MALRD1: variants seen among roughly 807,000 people sequenced by gnomAD.
MALRD1 encodes the protein MAM and LDL-receptor class A domain-containing protein 1.
Under a neutral mutation model 242.1 loss-of-function variants are expected in MALRD1, and 247 were observed. The ratio of observed to expected loss-of-function variants is 1.02; its 90% confidence interval spans 0.92 to 1.13. MALRD1 has a LOEUF of 1.13. Ranked by LOEUF, MALRD1 falls within the 50% of genes most tolerant of loss-of-function variation. The probability of loss-of-function intolerance (pLI) is 0.00; values close to 1 mark genes in which losing one functional copy is unlikely to be tolerated. For synonymous variants in MALRD1, 995 were observed against 866.6 expected, an observed-to-expected ratio of 1.15 and a Z score of -2.60; for missense variants, 2,989 against 2,533.1, an observed-to-expected ratio of 1.18 and a Z score of -3.86.
intron 38 of MALRD1, among the ~76,000 whole-genome samples, chr10:19,694,125 A>G (rs1226699809): frequency 6.6e-6 from 1 of 152,230 alleles, no homozygotes; most frequent in Non-Finnish European, 1.5e-5. Context: ...TAAAAACCCT[A>G]GAAGAAAACC....
intron 26 of MALRD1, among the ~76,000 whole-genome samples, chr10:19,356,124 C>T (rs1245873656): frequency 1.3e-5 from 2 of 151,672 alleles, no homozygotes; most frequent in East Asian, 1.9e-4. Flanking sequence ...ACTACCACTA[C>T]AGTAGTTACA....
At chr10:19,315,041 A>C (rs553424579) in intron 21 of MALRD1, among the ~76,000 whole-genome samples, 7 of 142,856 alleles carry the variant, frequency 4.9e-5, no homozygotes, top group African/African-American at 1.5e-4. Context: ...AATTTATATA[A>C]ATATGTAAAT....
At chr10:19,062,362 CAG>C (rs1426711798) in intron 1 of MALRD1, among the ~76,000 whole-genome samples, 1 of 152,166 alleles carries the variant, frequency 6.6e-6, no homozygotes, top group African/African-American at 2.4e-5. Context: ...CTTTTGAAAA[CAG>C]ATGGCAATTC....
chr10:19,584,370 A>G (rs2131520195), intron 33 of MALRD1, among the ~76,000 whole-genome samples: 1 of 152,230 alleles, frequency 6.6e-6, no homozygotes, highest in South Asian at 2.1e-4. Flanking sequence ...TTAGTGCTAT[A>G]AATTTCCCTC....
At chr10:19,387,477 G>T in intron 26 of MALRD1, 51 bp from the exon 27 acceptor site, 1 of 1,512,682 alleles carries the variant, frequency 6.6e-7, no homozygotes, top group East Asian at 2.5e-5. Context: ...TGACCTCACT[G>T]AATGTGTTAG....
chr10:19,432,755 T>C (rs1022398555), intron 28 of MALRD1, among the ~76,000 whole-genome samples: 2 of 152,188 alleles, frequency 1.3e-5, no homozygotes, highest in African/African-American at 4.8e-5. Flanking sequence ...TCCAAAGTGA[T>C]ATTTGAAGAG....
chr10:19,177,278 CAAAA>C (rs34742551), intron 14 of MALRD1, among the ~76,000 whole-genome samples: 2 of 114,062 alleles, frequency 1.8e-5, no homozygotes, highest in Admixed American at 8.8e-5. Flanking sequence ...AGATTCCTCT[CAAAA>C]AAAAAAAAAA....
chr10:19,602,424 C>G (rs1356923096), intron 34 of MALRD1, among the ~76,000 whole-genome samples: 3 of 146,240 alleles, frequency 2.1e-5, no homozygotes, highest in Non-Finnish European at 4.4e-5. Flanking sequence ...CAATTCCCAT[C>G]TATGAGTGAG....
intron 35 of MALRD1, among the ~76,000 whole-genome samples, chr10:19,615,560 CA>C (rs1378340992): frequency 9.0e-6 from 1 of 111,206 alleles, no homozygotes; most frequent in South Asian, 3.1e-4. Flanking sequence ...GAAAAAATAG[CA>C]AAAAATAAAT....
At chr10:19,280,025 C>T in intron 19 of MALRD1, 22 bp from the exon 20 acceptor site, 1 of 1,457,940 alleles carries the variant, frequency 6.9e-7, no homozygotes, top group Non-Finnish European at 9.0e-7. Flanking sequence ...TAAATGATGC[C>T]TGTATATTAT....
At chr10:19,612,248 T>C (rs58672156) in intron 35 of MALRD1, among the ~76,000 whole-genome samples, 9,425 of 151,988 alleles carry the variant, frequency 0.062, 951 homozygotes, top group African/African-American at 0.21. Flanking sequence ...AGCAAATTCC[T>C]TATTTGTAAA....
chr10:19,704,412 G>A (rs965472486), intron 38 of MALRD1, among the ~76,000 whole-genome samples: 1 of 152,154 alleles, frequency 6.6e-6, no homozygotes, highest in Admixed American at 6.5e-5. Context: ...GGCAAAGAGA[G>A]AAAGATCTGG....
At chr10:19,520,346 A>C (rs1282964598) in intron 31 of MALRD1, among the ~76,000 whole-genome samples, 1 of 149,350 alleles carries the variant, frequency 6.7e-6, no homozygotes, top group Non-Finnish European at 1.5e-5. Flanking sequence ...CATCTTTGTC[A>C]TTGCATTTTG....
intron 36 of MALRD1, among the ~76,000 whole-genome samples, chr10:19,651,509 C>T (rs554201678): frequency 3.3e-5 from 5 of 152,104 alleles, no homozygotes; most frequent in African/African-American, 4.8e-5. Flanking sequence ...CAGACTACTT[C>T]GAAACCACAA....
At chr10:19,244,986 A>AAT (rs1304559903) in intron 18 of MALRD1, among the ~76,000 whole-genome samples, 1 of 152,180 alleles carries the variant, frequency 6.6e-6, no homozygotes, top group African/African-American at 2.4e-5. Context: ...GATGACGTTA[A>AAT]ATTACGTTAC....
intron 30 of MALRD1, among the ~76,000 whole-genome samples, chr10:19,494,092 GATT>G (rs201238822): frequency 0.034 from 5,177 of 152,234 alleles, 165 homozygotes; most frequent in African/African-American, 0.084. Flanking sequence ...GGAGCCACAT[GATT>G]AAGAGCCTAC....
intron 36 of MALRD1, among the ~76,000 whole-genome samples, chr10:19,640,440 T>C (rs1237156772): frequency 6.6e-6 from 1 of 152,110 alleles, no homozygotes; most frequent in African/African-American, 2.4e-5. Flanking sequence ...CATTGCAACA[T>C]CCAAAGGCAG....
At chr10:19,263,735 C>T (rs1405549448) in intron 19 of MALRD1, among the ~76,000 whole-genome samples, 5 of 151,850 alleles carry the variant, frequency 3.3e-5, no homozygotes, top group South Asian at 2.1e-4. Flanking sequence ...TTATTGATTA[C>T]TTGACTTTAT....
At chr10:19,730,832 A>C (rs906715549) in intron 39 of MALRD1, 51 bp downstream of exon 39, 28 of 1,418,972 alleles carry the variant, frequency 2.0e-5, no homozygotes, top group Non-Finnish European at 2.2e-5. Flanking sequence ...ACACACATAC[A>C]AACACACACA....
Sources: allele counts gnomAD v4.1 joint callset (sites outside exome capture counted in the v4.1 genomes callset), GRCh38; gene constraint gnomAD v4.1.1; transcripts MANE v1.5; gene names NCBI Gene and HGNC (gene_info 2026-07-23, HGNC 2026-07-21).